The following DPH5 variants were observed in gnomAD, a reference collection of about 807,000 sequenced individuals.
DPH5 encodes the protein diphthine methyl ester synthase.
DPH5 carries 31 observed loss-of-function variants against 31.6 expected under a neutral mutation model. That is an observed-to-expected ratio of 0.98 (90% CI 0.74 to 1.32). The LOEUF is 1.32. Ranked by LOEUF, DPH5 falls within the 40% of genes most tolerant of loss-of-function variation. DPH5 has a pLI of 0.00. For synonymous variants in DPH5, 120 were observed against 115.0 expected (o/e 1.04, Z -0.28); for missense variants, 309 against 335.7 (o/e 0.92, Z 0.62).
intron 6 of DPH5, among the ~76,000 whole-genome samples, chr1:100,993,252 C>G (rs1486078994): frequency 6.6e-6 from 1 of 151,882 alleles, no homozygotes; most frequent in Non-Finnish European, 1.5e-5. Context: ...ATCATATTAA[C>G]AAAAATATAG....
Position 101,025,370 on chromosome 1 carries a change from C to T in DPH5, c.74G>A (p.Arg25His). Residue 25 changes from arginine (R) to histidine (H), a missense_variant, in exon 2 of 8, where the codon CGC (arginine) becomes CAC (histidine). By Grantham distance (29) the Arg-to-His change is conservative (BLOSUM62 0). Transcript: ENST00000370109. ...GGCTTCCAGATACACTCGACTGCAGCGTCTAACAACTTCCAGGCCCTTGAC... is the reference window on the plus strand; with the variant it reads ...GGCTTCCAGATACACTCGACTGCAGTGTCTAACAACTTCCAGGCCCTTGAC... ...ITVKGLEVVR[R>H]CSRVYLEAYT... 6.2e-7 allele frequency: 1 copy of T among 1,614,194 alleles called. No individual in the cohort carries two copies. The highest frequency in any genetic ancestry group is 2.2e-5 in the East Asian group (1 of 44,882).
intron 3 of DPH5, among the ~76,000 whole-genome samples, chr1:101,020,821 T>C (rs1260091474): frequency 6.6e-6 from 1 of 152,166 alleles, no homozygotes; most frequent in African/African-American, 2.4e-5. Context: ...TTCCCATCTT[T>C]TTCTCTTTTC....
intron 5 of DPH5, chr1:100,996,353 C>G (rs2101158660): frequency 6.6e-6 from 1 of 152,274 alleles, no homozygotes; most frequent in Admixed American, 6.5e-5. Flanking sequence ...CAAATATGCT[C>G]TATAGAATCT....
chr1:101,008,394 C>T (rs948236780), intron 4 of DPH5, among the ~76,000 whole-genome samples: 14 of 152,318 alleles, frequency 9.2e-5, no homozygotes, highest in Admixed American at 8.5e-4. Context: ...GTCTCCCTCC[C>T]AATCCTCACC....
chr1:100,990,568 G>A lies in DPH5; in HGVS notation c.698C>T (p.Ala233Val), dbSNP rs778951101. 6 of 1,614,076 alleles carry A rather than the reference G, an allele frequency of 3.7e-6. No homozygotes were observed. Residue 233 changes from alanine (A) to valine (V), a missense_variant, in exon 8 of 8, where the codon GCA becomes GTA. Ala to Val is a moderately conservative substitution (Grantham distance 64, BLOSUM62 0). Transcript: ENST00000370109. ...GCACATTTGCCTTAAAGTGCCTGCT[G>A]CAATTTTCTGGTCGTCGGCTCCAAC... ...ARVGADDQKI[A>V]AGTLRQMCTV...
chr1:100,996,204 G>A (rs1028402087), intron 5 of DPH5: 3 of 152,050 alleles, frequency 2.0e-5, no homozygotes, highest in Admixed American at 2.0e-4. Context: ...TATAATCAAT[G>A]GTGTTAGTCA....
intron 5 of DPH5, among the ~76,000 whole-genome samples, chr1:100,999,319 G>A (rs1055092333): frequency 2.6e-5 from 4 of 152,000 alleles, no homozygotes; most frequent in South Asian, 2.1e-4. Context: ...GTGTGGTGGC[G>A]TATGCCTGTG....
intron 7 of DPH5, among the ~76,000 whole-genome samples, chr1:100,990,844 C>G (rs1250222779): frequency 6.6e-6 from 1 of 152,116 alleles, no homozygotes; most frequent in Non-Finnish European, 1.5e-5. Flanking sequence ...CAAACTTTAC[C>G]CTTTCAGAAT....
chr1:101,015,775 C>T (rs1210882859), intron 3 of DPH5, among the ~76,000 whole-genome samples: 2 of 152,114 alleles, frequency 1.3e-5, no homozygotes, highest in Non-Finnish European at 2.9e-5. Flanking sequence ...AACTTGTTTC[C>T]ACAGCTCATA....
Position 101,010,785 on chromosome 1 carries a change from A to C in DPH5, c.369+2925T>G, listed in dbSNP as rs531970026. On this transcript the variant is annotated intron_variant, in intron 4 of 7. Coordinates refer to ENST00000370109, the MANE Select transcript of DPH5 (RefSeq NM_015958.3). ...AACATCCTACATTTAACAAGTGTAT[A>C]CTGGGAATTAAAAACCTACTCTTCC... is the stretch of plus-strand genomic sequence containing the variant. 4.4e-4 allele frequency among the ~76,000 whole-genome samples: 67 copies of C among 152,336 alleles called. 1 individual carries two copies. The South Asian group carries it at 0.013, about 31-fold the overall frequency.
At chr1:101,021,817 A>ACACAC in intron 2 of DPH5, 52 bp from the exon 3 acceptor site, 6 of 737,886 alleles carry the variant, frequency 8.1e-6, no homozygotes, top group East Asian at 7.4e-5. Flanking sequence ...TGACCATTCT[A>ACACAC]ACACACACAC....
At chr1:100,995,488 G>C (rs1658262152) in intron 5 of DPH5, 1 of 179,344 alleles carries the variant, frequency 5.6e-6, no homozygotes, top group Admixed American at 5.8e-5. Context: ...TAACTGCACA[G>C]ACCCATCTGA....
At chr1:101,001,361 C>G (rs1376344974) in intron 5 of DPH5, 106 bp downstream of exon 5, 1 of 1,178,244 alleles carries the variant, frequency 8.5e-7, no homozygotes, top group East Asian at 2.4e-5. Context: ...TAGACTGTGT[C>G]TTTTCTTACC....
intron 4 of DPH5, 23 bp downstream of exon 4, chr1:101,013,686 GA>G (rs1558046866): frequency 1.4e-6 from 2 of 1,459,752 alleles, no homozygotes; most frequent in East Asian, 4.6e-5. Context: ...TAATTCCACT[GA>G]AAAACCTCCT....
At chr1:100,993,367 A>G (rs535218836) in intron 6 of DPH5, among the ~76,000 whole-genome samples, 110 of 151,586 alleles carry the variant, frequency 7.3e-4, no homozygotes, top group Non-Finnish European at 1.3e-3. Context: ...CCTGACCAAC[A>G]TGGTGAAACT....
At chr1:101,008,728 TTC>T (rs1174107988) in intron 4 of DPH5, among the ~76,000 whole-genome samples, 3 of 152,214 alleles carry the variant, frequency 2.0e-5, no homozygotes, top group African/African-American at 4.8e-5. Flanking sequence ...TTAACTACAC[TTC>T]TCTCTCTGTT....
intron 3 of DPH5, among the ~76,000 whole-genome samples, chr1:101,021,159 A>C (rs1306504764): frequency 6.6e-6 from 1 of 152,202 alleles, no homozygotes; most frequent in East Asian, 1.9e-4. Flanking sequence ...AAGAAACTGA[A>C]ATCAGAGACT....
intron 3 of DPH5, among the ~76,000 whole-genome samples, chr1:101,014,388 G>A (rs774228858): frequency 6.6e-6 from 1 of 152,170 alleles, no homozygotes; most frequent in Non-Finnish European, 1.5e-5. Flanking sequence ...GTTTCTTAGT[G>A]CATATAAAAG....
chr1:101,016,307 T>C (rs1172739942), intron 3 of DPH5, among the ~76,000 whole-genome samples: 1 of 152,036 alleles, frequency 6.6e-6, no homozygotes, highest in Non-Finnish European at 1.5e-5. Context: ...TGAGCTGAGA[T>C]TGTGCCACTG....
Sources: gnomAD v4.1 joint callset for allele counts (sites outside exome capture counted in the v4.1 genomes callset) on GRCh38, gnomAD v4.1.1 for gene constraint, MANE v1.5 for transcripts, NCBI Gene and HGNC (gene_info 2026-07-23, HGNC 2026-07-21) for gene names.